The following GALNT18 variants were observed in gnomAD, a reference collection of about 807,000 sequenced individuals.
The protein encoded by GALNT18 is polypeptide N-acetylgalactosaminyltransferase 18.
A neutral mutation model predicts 69.5 loss-of-function variants in GALNT18; 44 were observed. The observed-to-expected ratio is 0.63, with a 90% confidence interval of 0.50 to 0.81. GALNT18 has a LOEUF of 0.81. Ranked by LOEUF, GALNT18 falls within the 40% of genes least tolerant of loss-of-function variation. GALNT18 has a pLI of 0.00. For missense variants in GALNT18, 715 were observed against 810.0 expected (o/e 0.88, Z 1.42); for synonymous variants, 364 against 318.2 (o/e 1.14, Z -1.53).
chr11:11,285,856 T>C (rs1849182395), intron 10 of GALNT18, among the ~76,000 whole-genome samples: 1 of 152,196 alleles, frequency 6.6e-6, no homozygotes, highest in African/African-American at 2.4e-5. Context: ...CGTCTTTGCG[T>C]GCGTTACTCA....
rs756342470 is a variant in GALNT18 at position 11,340,789 on chromosome 11, G to T, written c.1278+30C>A. 1 of 1,572,894 alleles carries T rather than the reference G, an allele frequency of 6.4e-7. No homozygotes were observed. The highest frequency in any genetic ancestry group is 8.6e-7 in the Non-Finnish European group (1 of 1,156,216). On this transcript the variant is annotated intron_variant, in intron 7 of 10. Transcript: ENST00000227756. This position sits in a 1 kb window ranked among gnomAD's most constrained non-coding sequence, Gnocchi z 4.2. ...TTTTGTTTGTTTTCCACCAATCCCC[G>T]AGAAACTCATCCCTACCGGAGATCC...
intron 1 of GALNT18, among the ~76,000 whole-genome samples, chr11:11,537,509 C>A (rs575109011): frequency 6.6e-6 from 1 of 152,188 alleles, no homozygotes; most frequent in Admixed American, 6.5e-5. Flanking sequence ...AGGATATGTC[C>A]GTGTGTCTCC....
chr11:11,589,718 C>A (rs1590122783), intron 1 of GALNT18, among the ~76,000 whole-genome samples: 1 of 152,178 alleles, frequency 6.6e-6, no homozygotes, highest in South Asian at 2.1e-4. Context: ...CCCAAGAGAG[C>A]CACTGAGCAC....
At chr11:11,297,868 T>C (rs7951022) in intron 9 of GALNT18, among the ~76,000 whole-genome samples, 22,118 of 152,214 alleles carry the variant, frequency 0.15, 2,960 homozygotes, top group African/African-American at 0.36. Context: ...TCTCCAGCAT[T>C]TCATTTTGAT....
At chr11:11,515,490 AT>A (rs1180483848) in intron 1 of GALNT18, among the ~76,000 whole-genome samples, 2 of 152,206 alleles carry the variant, frequency 1.3e-5, no homozygotes, top group Non-Finnish European at 1.5e-5. Flanking sequence ...GTCAGCCTCA[AT>A]GAGCAAAACT....
Position 11,433,749 on chromosome 11 carries a change from C to T in GALNT18, c.429-962G>A, listed in dbSNP as rs192933797. On this transcript the variant is annotated intron_variant, in intron 2 of 10. Transcript: ENST00000227756. ...AGCATAGTCTTTATGGGCAGGAGAC[C>T]ACTGCTGGTGCCCTTCCCTGCCTGA... 5.7e-3 allele frequency among the ~76,000 whole-genome samples: 870 copies of T among 152,252 alleles called. 1 individual carries two copies. Among genetic ancestry groups the T allele is most frequent in the Non-Finnish European group, 8.9e-3 (602 of 68,004 alleles).
At chr11:11,311,032 C>T (rs1564890445) in intron 9 of GALNT18, among the ~76,000 whole-genome samples, 1 of 152,150 alleles carries the variant, frequency 6.6e-6, no homozygotes, top group Non-Finnish European at 1.5e-5. Flanking sequence ...GGAGTGGTAC[C>T]ACCTCCTCCA....
At chr11:11,392,743 C>T (rs61872158) in intron 3 of GALNT18, among the ~76,000 whole-genome samples, 12,367 of 152,298 alleles carry the variant, frequency 0.081, 703 homozygotes, top group Admixed American at 0.15. Context: ...CACACAATCC[C>T]CATTCAATCC....
chr11:11,581,849 C>G (rs558876130), intron 1 of GALNT18, among the ~76,000 whole-genome samples: 6 of 152,216 alleles, frequency 3.9e-5, no homozygotes, highest in African/African-American at 1.4e-4. Context: ...AGCCTCTTTT[C>G]TTTGAGACCC....
chr11:11,353,799 G>A (rs994926735), intron 6 of GALNT18, among the ~76,000 whole-genome samples: 6 of 152,102 alleles, frequency 3.9e-5, no homozygotes, highest in African/African-American at 1.4e-4. Context: ...TGAAATCCAG[G>A]GTAGATACAC....
intron 3 of GALNT18, among the ~76,000 whole-genome samples, chr11:11,427,567 A>G (rs924658685): frequency 3.9e-5 from 6 of 152,180 alleles, no homozygotes; most frequent in Non-Finnish European, 7.4e-5. Context: ...AAGCCTCCCA[A>G]CAACCCCTGA....
At chr11:11,414,801 A>G (rs1854816050) in intron 3 of GALNT18, among the ~76,000 whole-genome samples, 1 of 152,210 alleles carries the variant, frequency 6.6e-6, no homozygotes, top group Admixed American at 6.5e-5. Flanking sequence ...ATAACAAAAT[A>G]CTGTAAACTG....
In GALNT18 at chr11:11,430,792, T is replaced by G. The variant is rs932228860; in HGVS notation, c.595+1829A>C. 4.6e-5 allele frequency among the ~76,000 whole-genome samples: 7 copies of G among 152,212 alleles called. No individual in the cohort carries two copies. Among genetic ancestry groups the G allele is most frequent in the Non-Finnish European group, 1.0e-4 (7 of 68,038 alleles). ...TAACTTCTCCCTGACTCCAGGCCTC[T>G]TGACTTCTCTCTCTACTGCTGCAAT... On this transcript the variant is annotated intron_variant, in intron 3 of 10. Transcript: ENST00000227756. This position sits in a 1 kb window ranked among gnomAD's most constrained non-coding sequence, Gnocchi z 4.9.
At chr11:11,391,675 G>A (rs1397039455) in intron 3 of GALNT18, among the ~76,000 whole-genome samples, 1 of 152,226 alleles carries the variant, frequency 6.6e-6, no homozygotes, top group African/African-American at 2.4e-5. Context: ...CGCAAAATGA[G>A]GCTAGGAAGA....
chr11:11,329,808 G>A (rs550818950), intron 8 of GALNT18, among the ~76,000 whole-genome samples: 1 of 152,328 alleles, frequency 6.6e-6, no homozygotes, highest in East Asian at 1.9e-4. Context: ...TGGAATCATA[G>A]TCGGACAAGT....
At chr11:11,569,075 C>G (rs1268623508) in intron 1 of GALNT18, among the ~76,000 whole-genome samples, 3 of 152,116 alleles carry the variant, frequency 2.0e-5, no homozygotes, top group Non-Finnish European at 4.4e-5. Flanking sequence ...CTGTGGCCAC[C>G]CACTTCCTTG....
intron 6 of GALNT18, among the ~76,000 whole-genome samples, chr11:11,371,316 G>T (rs1282401246): frequency 1.3e-5 from 2 of 152,226 alleles, no homozygotes; most frequent in African/African-American, 2.4e-5. Flanking sequence ...TGCCTGCCTG[G>T]TGGGGTAGGA....
In GALNT18 at chr11:11,542,074, G is replaced by A. The variant is rs1244064986; in HGVS notation, c.235+79285C>T. 6.6e-6 allele frequency among the ~76,000 whole-genome samples: 1 copy of A among 152,134 alleles called. No homozygotes were observed. The highest frequency in any genetic ancestry group is 2.4e-5 in the African/African-American group (1 of 41,416). ...ATTGCTGGGAACGCAGAGGGAAACT[G>A]CCCAGTGAGGAGGCTGCAGAGGGTT... On this transcript the variant is annotated intron_variant, in intron 1 of 10. Coordinates refer to ENST00000227756, the MANE Select transcript of GALNT18 (RefSeq NM_198516.3). The surrounding 1 kb of genome is among the most constrained non-coding windows in gnomAD (Gnocchi z 4.3).
At chr11:11,411,880 C>A (rs563207183) in intron 3 of GALNT18, among the ~76,000 whole-genome samples, 1 of 152,126 alleles carries the variant, frequency 6.6e-6, no homozygotes, top group African/African-American at 2.4e-5. Context: ...TTGTCCCATC[C>A]GAGGCAAGGC....
Sources: gnomAD v4.1 joint callset for allele counts (sites outside exome capture counted in the v4.1 genomes callset) on GRCh38, gnomAD v4.1.1 for gene constraint, Gnocchi (gnomAD v3.1) non-coding constraint, MANE v1.5 for transcripts, NCBI Gene and HGNC (gene_info 2026-07-23, HGNC 2026-07-21) for gene names.